Variants in CCBE1 observed in about 807,000 individuals in gnomAD.
CCBE1 encodes collagen and calcium binding EGF domains 1.
In CCBE1, 37 loss-of-function variants were observed where a neutral mutation model predicts 50.0. The observed-to-expected ratio is 0.74, with a 90% CI of 0.57 to 0.97. CCBE1 has a LOEUF of 0.97. Ranked by LOEUF, CCBE1 falls within the 50% of genes least tolerant of loss-of-function variation. The probability of loss-of-function intolerance (pLI) is 0.00; values close to 1 mark genes in which losing one functional copy is unlikely to be tolerated. For missense variants in CCBE1, 538 were observed against 523.8 expected (o/e 1.03, Z -0.26); for synonymous variants, 234 against 203.7 (o/e 1.15, Z -1.27).
chr18:59,586,411 C>T (rs2053178706), intron 2 of CCBE1, among the ~76,000 whole-genome samples: 1 of 152,184 alleles, frequency 6.6e-6, no homozygotes. Context: ...TGGTGAGTGG[C>T]TGAAATCCTC....
intron 2 of CCBE1, among the ~76,000 whole-genome samples, chr18:59,649,944 C>T (rs2054105527): frequency 6.6e-6 from 1 of 152,066 alleles, no homozygotes; most frequent in African/African-American, 2.4e-5. Flanking sequence ...TCAAGGGGCA[C>T]ATGGGAAAGG....
intron 2 of CCBE1, among the ~76,000 whole-genome samples, chr18:59,541,901 G>C (rs1365113509): frequency 6.6e-6 from 1 of 152,086 alleles, no homozygotes; most frequent in East Asian, 1.9e-4. Flanking sequence ...TTGTGGCCAA[G>C]CATGGTGGCT....
At chr18:59,527,158 A>C (rs1360303979) in intron 2 of CCBE1, among the ~76,000 whole-genome samples, 1 of 152,122 alleles carries the variant, frequency 6.6e-6, no homozygotes, top group Non-Finnish European at 1.5e-5. Flanking sequence ...GTTCTCTAAG[A>C]ACTTGTTTTA....
Position 59,432,411 on chromosome 18 carries a change from A to C in CCBE1, c.*3497T>G, listed in dbSNP as rs747525130. ...TGTACAAAGATCTTTTTCCCTATAA[A>C]ACATGAAATGACCTAGAAGCACTGT... is the stretch of plus-strand genomic sequence containing the variant. On this transcript the variant is annotated 3_prime_UTR_variant, in exon 11 of 11. Coordinates refer to ENST00000439986, the MANE Select transcript of CCBE1 (RefSeq NM_133459.4). The C allele has an allele frequency of 4.6e-5, 7 of 152,220 alleles. No homozygotes were observed. The highest frequency in any genetic ancestry group is 1.0e-4 in the Non-Finnish European group (7 of 68,036). The allele number at this position is 152,220 out of a possible 1,614,324, so 9.4% of individuals were successfully genotyped here. A position where few individuals can be genotyped will look rare whatever the true frequency, so the allele number is the denominator to read the frequency against.
chr18:59,640,495 G>C (rs955441793), intron 2 of CCBE1, among the ~76,000 whole-genome samples: 3 of 152,074 alleles, frequency 2.0e-5, no homozygotes, highest in Non-Finnish European at 4.4e-5. Flanking sequence ...ATGGATTAAA[G>C]ACTTAAACAT....
Position 59,491,061 on chromosome 18 carries a change from G to A in CCBE1, c.213-10823C>T, listed in dbSNP as rs559515265. On this transcript the variant is annotated intron_variant, in intron 2 of 10. Transcript: ENST00000439986. The stretch of plus-strand genomic sequence containing the variant: ...TGTGGGATCCAACACCCAAAGACCT[G>A]GGCATTTATTTATTTTGATTTTATC... Among the ~76,000 whole-genome samples, 10 of 152,184 alleles carry A rather than the reference G, an allele frequency of 6.6e-5. No homozygotes were observed. In the East Asian group the frequency reaches 1.7e-3, roughly 26 times the overall value.
chr18:59,655,572 C>T (rs1216495827), intron 2 of CCBE1, among the ~76,000 whole-genome samples: 3 of 152,232 alleles, frequency 2.0e-5, no homozygotes, highest in Non-Finnish European at 4.4e-5. Flanking sequence ...CTCAGCTCTG[C>T]TCCTGTAGCA....
chr18:59,534,805 C>A (rs539756292), intron 2 of CCBE1, among the ~76,000 whole-genome samples: 1 of 152,184 alleles, frequency 6.6e-6, no homozygotes, highest in South Asian at 2.1e-4. Flanking sequence ...GAATTCACAG[C>A]CTGTACATTT....
At chr18:59,641,455 G>A (rs1035520608) in intron 2 of CCBE1, among the ~76,000 whole-genome samples, 1 of 152,118 alleles carries the variant, frequency 6.6e-6, no homozygotes, top group African/African-American at 2.4e-5. Flanking sequence ...TGAGGGTGGA[G>A]GGTGGGAGGA....
rs1021071064 is a variant in CCBE1 at position 59,696,363 on chromosome 18, C to G, written c.212+266G>C. On this transcript the variant is annotated intron_variant, in intron 2 of 10. Transcript: ENST00000439986. The stretch of plus-strand genomic sequence containing the variant: ...AATCCAATCCAATCTCCTTCACAGA[C>G]TTCCACACAAGTATTTCAGGGAGCG... 5.0e-6 allele frequency: 4 copies of G among 793,954 alleles called. No homozygotes were observed. The East Asian group carries it at 1.4e-4, about 28-fold the overall frequency. 49.2% of individuals were successfully genotyped at this position (793,954 alleles called of 1,614,324 possible).
chr18:59,502,580 C>A (rs1913674494), intron 2 of CCBE1, among the ~76,000 whole-genome samples: 1 of 152,114 alleles, frequency 6.6e-6, no homozygotes, highest in African/African-American at 2.4e-5. Flanking sequence ...CAAAGGTGAG[C>A]CAGAGGGCAG....
Position 59,435,536 on chromosome 18 carries a change from G to A in CCBE1, c.*372C>T, listed in dbSNP as rs887255868. The A allele has an allele frequency of 9.7e-6, 3 of 308,792 alleles. No homozygotes were observed. Among genetic ancestry groups the A allele is most frequent in the African/African-American group, 6.5e-5 (3 of 46,158 alleles). The allele number at this position is 308,792 out of a possible 1,614,324, so 19.1% of individuals were successfully genotyped here. ...CTCACATTTTCTTAGAGCTCACTTT[G>A]TCATTTTCCCCCTTTTGATACTCTG... On this transcript the variant is annotated 3_prime_UTR_variant, in exon 11 of 11. Coordinates refer to ENST00000439986, the MANE Select transcript of CCBE1 (RefSeq NM_133459.4).
chr18:59,682,014 G>C (rs971136619), intron 2 of CCBE1, among the ~76,000 whole-genome samples: 1 of 152,210 alleles, frequency 6.6e-6, no homozygotes, highest in Non-Finnish European at 1.5e-5. Flanking sequence ...GCGAGAGCCA[G>C]AGGGTTTCTG....
At chr18:59,498,432 AC>A (rs1913458733) in intron 2 of CCBE1, among the ~76,000 whole-genome samples, 3 of 152,252 alleles carry the variant, frequency 2.0e-5, no homozygotes, top group Admixed American at 2.0e-4. Flanking sequence ...TCAAATGTAA[AC>A]TTTTTTACTA....
chr18:59,689,772 A>C (rs1265971935), intron 2 of CCBE1, among the ~76,000 whole-genome samples: 2 of 152,246 alleles, frequency 1.3e-5, no homozygotes, highest in Non-Finnish European at 2.9e-5. Flanking sequence ...CACAGGTCAC[A>C]TGAGAAAATA....
intron 3 of CCBE1, among the ~76,000 whole-genome samples, chr18:59,476,009 C>A (rs141235531): frequency 6.6e-6 from 1 of 152,180 alleles, no homozygotes; most frequent in African/African-American, 2.4e-5. Context: ...TGAGCCACTG[C>A]GGCTGGCTAC....
At chr18:59,589,467 A>G (rs1023094056) in intron 2 of CCBE1, among the ~76,000 whole-genome samples, 3 of 152,166 alleles carry the variant, frequency 2.0e-5, no homozygotes, top group Non-Finnish European at 2.9e-5. Context: ...TAAAACTCCA[A>G]AAGACAATAA....
chr18:59,652,073 A>T (rs1323715305), intron 2 of CCBE1, among the ~76,000 whole-genome samples: 1 of 152,098 alleles, frequency 6.6e-6, no homozygotes, highest in Non-Finnish European at 1.5e-5. Context: ...TCATCTGTTC[A>T]AATTTTTGTT....
At position 59,580,357 on chromosome 18, in the gene CCBE1, C is replaced by G. The variant is rs148668588; in HGVS notation, c.213-100119G>C. Among the ~76,000 whole-genome samples the G allele has an allele frequency of 2.4e-4, 36 of 152,244 alleles. 1 individual carries two copies. In the East Asian group the frequency reaches 6.6e-3, roughly 28 times the overall value. ...TTGAGTTGTCCTGCCTTTTCCAGAC[C>G]GAAACAATGTTCATGTTGCATATGT... On this transcript the variant is annotated intron_variant, in intron 2 of 10. Coordinates refer to ENST00000439986, the MANE Select transcript of CCBE1 (RefSeq NM_133459.4).
Sources: allele counts gnomAD v4.1 joint callset (sites outside exome capture counted in the v4.1 genomes callset), GRCh38; gene constraint gnomAD v4.1.1; transcripts MANE v1.5; gene names NCBI Gene and HGNC (gene_info 2026-07-23, HGNC 2026-07-21).